The following RAB22A variants were observed in gnomAD, a reference collection of about 807,000 sequenced individuals.
The protein encoded by RAB22A is ras-related protein Rab-22A.
In RAB22A, 13 loss-of-function variants were observed where a neutral mutation model predicts 30.2. The observed-to-expected ratio is 0.43, with a 90% CI of 0.28 to 0.68. RAB22A has a LOEUF of 0.68. RAB22A is among the 30% of genes least tolerant of loss of function. The pLI is 0.18. For synonymous variants in RAB22A, 89 were observed against 87.2 expected (o/e 1.02, Z -0.11); for missense variants, 177 against 246.8 (o/e 0.72, Z 1.89).
At chr20:58,341,874 G>T (rs1209430924) in intron 2 of RAB22A, among the ~76,000 whole-genome samples, 1 of 152,114 alleles carries the variant, frequency 6.6e-6, no homozygotes, top group Non-Finnish European at 1.5e-5. Flanking sequence ...GGAAGTGTTG[G>T]ATGTGTTGGC....
intron 2 of RAB22A, among the ~76,000 whole-genome samples, chr20:58,342,358 C>T (rs1322367192): frequency 6.6e-6 from 1 of 152,176 alleles, no homozygotes; most frequent in East Asian, 1.9e-4. Flanking sequence ...GTCACAGTCA[C>T]TGTTTTGGAG....
At chr20:58,310,903 C>T (rs1246156653) in intron 1 of RAB22A, 140 bp from the exon 2 acceptor site, 1 of 693,570 alleles carries the variant, frequency 1.4e-6, no homozygotes, top group African/African-American at 1.8e-5. Context: ...TTTATGACAA[C>T]CGCTTTTGTG....
intron 3 of RAB22A, 149 bp downstream of exon 3, chr20:58,343,948 C>T (rs1366287626): frequency 1.4e-6 from 1 of 695,828 alleles, no homozygotes; most frequent in Non-Finnish European, 2.4e-6. Flanking sequence ...CAGCCTTTGC[C>T]TTTGCCTTTT....
intron 2 of RAB22A, among the ~76,000 whole-genome samples, chr20:58,311,841 C>A (rs1160441653): frequency 6.6e-6 from 1 of 152,098 alleles, no homozygotes; most frequent in Non-Finnish European, 1.5e-5. Context: ...ATAAAATTGG[C>A]CTTTGTGCTC....
At chr20:58,310,044 A>G in intron 1 of RAB22A, 32 bp downstream of exon 1, 1 of 1,263,304 alleles carries the variant, frequency 7.9e-7, no homozygotes, top group South Asian at 3.5e-5. Context: ...CGGGAGGGCC[A>G]CGGGAGGCTG....
At chr20:58,357,190 C>G (rs910712928) in intron 6 of RAB22A, among the ~76,000 whole-genome samples, 1 of 152,178 alleles carries the variant, frequency 6.6e-6, no homozygotes, top group African/African-American at 2.4e-5. Context: ...AGTCAGTGAT[C>G]TCCATTTTCA....
chr20:58,333,736 G>T (rs1377830515), intron 2 of RAB22A, among the ~76,000 whole-genome samples: 1 of 152,166 alleles, frequency 6.6e-6, no homozygotes, highest in Non-Finnish European at 1.5e-5. Flanking sequence ...ACACAGAGAG[G>T]TATAGCTGAA....
At position 58,363,217 on chromosome 20, in the gene RAB22A, A is replaced by C. The variant is rs1011588179; in HGVS notation, c.*3514A>C. 2.6e-5 allele frequency: 4 copies of C among 152,200 alleles called. No individual in the cohort carries two copies. Among genetic ancestry groups the C allele is most frequent in the African/African-American group, 9.6e-5 (4 of 41,458 alleles). 9.4% of individuals were successfully genotyped at this position (152,200 alleles called of 1,614,324 possible). ...CTCCAGCTCAGAAAGGCATTTGCTC[A>C]TGGTTACAGGCATCTTTTAGATTCT... On this transcript the variant is annotated 3_prime_UTR_variant, in exon 7 of 7. Transcript: ENST00000244040.
intron 2 of RAB22A, among the ~76,000 whole-genome samples, chr20:58,319,751 GCTGTCT>G (rs1290641760): frequency 2.0e-5 from 3 of 152,068 alleles, no homozygotes; most frequent in African/African-American, 7.2e-5. Context: ...CAATTTGATG[GCTGTCT>G]CTAGGTCTTT....
chr20:58,342,769 G>A (rs1389282536), intron 2 of RAB22A, among the ~76,000 whole-genome samples: 6 of 152,136 alleles, frequency 3.9e-5, no homozygotes, highest in African/African-American at 1.4e-4. Context: ...TGAGAAGACT[G>A]GGAGACAAAG....
chr20:58,311,119 T>C lies in RAB22A; in HGVS notation c.113T>C (p.Ile38Thr). The change falls in exon 2 of 7, where the codon ATA becomes ACA. Residue 38 changes from isoleucine (I) to threonine (T), a missense_variant. Ile to Thr is a moderately conservative substitution (Grantham distance 89, BLOSUM62 -1). Coordinates refer to ENST00000244040, the MANE Select transcript of RAB22A (RefSeq NM_020673.3). ...DSFDPNINPT[I>T]GASFMTKTVQ... ...TTTGATCCAAACATCAACCCAACAA[T>C]AGGGTAAGAGACTTTTATTTGATAC... The C allele has an allele frequency of 6.3e-7, 1 of 1,581,770 alleles. No homozygotes were observed. Among genetic ancestry groups the C allele is most frequent in the Non-Finnish European group, 8.7e-7 (1 of 1,150,544 alleles).
chr20:58,366,181 C>CT lies in RAB22A; in HGVS notation c.*6479dup, dbSNP rs757402585. 1 of 152,108 alleles carries CT rather than the reference C, an allele frequency of 6.6e-6. No individual in the cohort carries two copies. The highest frequency in any genetic ancestry group is 1.5e-5 in the Non-Finnish European group (1 of 68,024). The allele number at this position is 152,108 out of a possible 1,614,324, so 9.4% of individuals were successfully genotyped here. On this transcript the variant is annotated 3_prime_UTR_variant, in exon 7 of 7. Coordinates refer to ENST00000244040, the MANE Select transcript of RAB22A (RefSeq NM_020673.3). The stretch of plus-strand genomic sequence containing the variant: ...TCCCTTAGGCTCATTTTTCTGTGGG[C>CT]TCTCCCTTAAAGACACATGGCCACA...
rs34919452 is a variant in RAB22A, at chr20:58,329,056, C to CTTTT, written c.117-14650_117-14647dup. On this transcript the variant is annotated intron_variant, in intron 2 of 6. Transcript: ENST00000244040. ...GGGTAATGTCTGCATTGCATATTCC[C>CTTTT]TTTTTTTTTTTTTTTGAGGCAGAGC... Among the ~76,000 whole-genome samples, 9 of 139,820 alleles carry CTTTT rather than the reference C, an allele frequency of 6.4e-5. 1 individual carries two copies. Among genetic ancestry groups the CTTTT allele is most frequent in the African/African-American group, 8.0e-5 (3 of 37,460 alleles). 91.7% of individuals were successfully genotyped at this position (139,820 alleles called of 152,430 possible).
intron 2 of RAB22A, among the ~76,000 whole-genome samples, chr20:58,335,836 A>G (rs11696913): frequency 0.079 from 12,023 of 152,276 alleles, 868 homozygotes; most frequent in South Asian, 0.23. Context: ...AGCCTGCTAC[A>G]TAGACTTGCT....
intron 2 of RAB22A, among the ~76,000 whole-genome samples, chr20:58,330,447 T>G (rs1341482834): frequency 6.7e-6 from 1 of 150,032 alleles, no homozygotes; most frequent in African/African-American, 2.4e-5. Flanking sequence ...TTACATCTAC[T>G]TTTTTTTTTC....
chr20:58,350,232 G>A (rs2122965145), intron 3 of RAB22A, among the ~76,000 whole-genome samples: 1 of 152,240 alleles, frequency 6.6e-6, no homozygotes, highest in South Asian at 2.1e-4. Context: ...CTCACTGGAG[G>A]GTGATAGAAC....
At chr20:58,351,815 A>G (rs1328269512) in intron 3 of RAB22A, among the ~76,000 whole-genome samples, 1 of 152,266 alleles carries the variant, frequency 6.6e-6, no homozygotes, top group East Asian at 1.9e-4. Flanking sequence ...CTCCGTCTCA[A>G]TGGTAGACCT....
intron 2 of RAB22A, among the ~76,000 whole-genome samples, chr20:58,312,472 CTTTTTTTTTTTTTTTTT>C (rs58198236): frequency 4.9e-4 from 19 of 38,712 alleles, no homozygotes; most frequent in Middle Eastern, 0.028. Flanking sequence ...GGCTGGTTTT[CTTTTTTTTTTTTTTTTT>C]TTTTTTTTTT....
chr20:58,329,551 T>C (rs1168029030), intron 2 of RAB22A, among the ~76,000 whole-genome samples: 2 of 152,332 alleles, frequency 1.3e-5, no homozygotes, highest in Non-Finnish European at 1.5e-5. Context: ...TTATCTTTTG[T>C]TTTCAGTAAT....
Sources: allele counts gnomAD v4.1 joint callset (sites outside exome capture counted in the v4.1 genomes callset), GRCh38; gene constraint gnomAD v4.1.1; transcripts MANE v1.5; gene names NCBI Gene and HGNC (gene_info 2026-07-23, HGNC 2026-07-21).